Variants in GALNTL6 observed in about 807,000 individuals in gnomAD.
The protein encoded by GALNTL6 is polypeptide N-acetylgalactosaminyltransferase like 6.
Under a neutral mutation model 73.7 loss-of-function variants are expected in GALNTL6, and 46 were observed. That is an observed-to-expected ratio of 0.62 (90% CI 0.49 to 0.80). The LOEUF (loss-of-function observed/expected upper bound fraction) is 0.80, where lower values mean the gene tolerates loss of function less well. Among genes scored for constraint, GALNTL6 ranks in the 30% least tolerant of loss-of-function variants. The probability of loss-of-function intolerance (pLI) is 0.00; values close to 1 mark genes in which losing one functional copy is unlikely to be tolerated. For missense variants in GALNTL6, 604 were observed against 755.0 expected, an observed-to-expected ratio of 0.80 and a Z score of 2.34; for synonymous variants, 259 against 263.7, an observed-to-expected ratio of 0.98 and a Z score of 0.17.
Position 172,627,849 on chromosome 4 carries a change from G to A in GALNTL6, c.554-181512G>A, listed in dbSNP as rs187362364. On this transcript the variant is annotated intron_variant, in intron 5 of 12. Transcript: ENST00000506823. Reference sequence around the variant, plus strand: ...GTATTTCTGTAAGATTGGTTATAATGTTATCTTTGTCATTCCTGATTGTGC... The same window carrying A: ...GTATTTCTGTAAGATTGGTTATAATATTATCTTTGTCATTCCTGATTGTGC... 3.5e-3 allele frequency among the ~76,000 whole-genome samples: 537 copies of A among 151,626 alleles called. 3 individuals carry two copies. The highest frequency in any genetic ancestry group is 5.8e-3 in the Non-Finnish European group (394 of 67,882).
intron 5 of GALNTL6, among the ~76,000 whole-genome samples, chr4:172,489,539 A>G (rs1733822264): frequency 6.6e-6 from 1 of 152,242 alleles, no homozygotes; most frequent in Admixed American, 6.5e-5. Flanking sequence ...ATGTGTTTAT[A>G]CGCACAGAGC....
chr4:172,099,595 C>G (rs900759786), intron 2 of GALNTL6, among the ~76,000 whole-genome samples: 3 of 152,120 alleles, frequency 2.0e-5, no homozygotes, highest in African/African-American at 4.8e-5. Flanking sequence ...GGCAACAGCA[C>G]TAAGATAAAA....
At chr4:172,792,778 A>G (rs1740069814) in intron 5 of GALNTL6, among the ~76,000 whole-genome samples, 1 of 150,950 alleles carries the variant, frequency 6.6e-6, no homozygotes, top group African/African-American at 2.4e-5. Flanking sequence ...TGTTTTCATA[A>G]TAAAGAACCA....
chr4:172,176,775 C>G (rs541141060), intron 2 of GALNTL6, among the ~76,000 whole-genome samples: 2 of 152,158 alleles, frequency 1.3e-5, no homozygotes, highest in East Asian at 1.9e-4. Context: ...GGCAACAAAG[C>G]AAGACCCTAT....
intron 5 of GALNTL6, among the ~76,000 whole-genome samples, chr4:172,417,261 A>G (rs1730872988): frequency 6.6e-6 from 1 of 151,918 alleles, no homozygotes; most frequent in South Asian, 2.1e-4. Flanking sequence ...GTTTCTTTCA[A>G]AGACCCACTT....
chr4:172,664,842 T>G (rs1731574857), intron 5 of GALNTL6, among the ~76,000 whole-genome samples: 1 of 152,112 alleles, frequency 6.6e-6, no homozygotes, highest in African/African-American at 2.4e-5. Context: ...CAAATGCACT[T>G]TAAAAACTAA....
At chr4:172,182,232 A>G (rs1424060265) in intron 2 of GALNTL6, among the ~76,000 whole-genome samples, 2 of 152,330 alleles carry the variant, frequency 1.3e-5, no homozygotes, top group East Asian at 1.9e-4. Flanking sequence ...ATGGAGAACT[A>G]CAAACCACTG....
At chr4:172,057,181 A>T (rs1268146092) in intron 2 of GALNTL6, among the ~76,000 whole-genome samples, 5 of 152,038 alleles carry the variant, frequency 3.3e-5, no homozygotes, top group Non-Finnish European at 7.4e-5. Flanking sequence ...GTTGAGGCTG[A>T]CACATATCTT....
chr4:172,524,058 T>A (rs1170644277), intron 5 of GALNTL6, among the ~76,000 whole-genome samples: 1 of 152,174 alleles, frequency 6.6e-6, no homozygotes, highest in African/African-American at 2.4e-5. Context: ...GTTTATAGTT[T>A]TACTACGTAA....
intron 5 of GALNTL6, among the ~76,000 whole-genome samples, chr4:172,726,400 G>A (rs1485534474): frequency 6.6e-6 from 1 of 152,132 alleles, no homozygotes; most frequent in Non-Finnish European, 1.5e-5. Flanking sequence ...ATGTTAGTAA[G>A]AGCAACTTCC....
At chr4:172,221,262 A>T (rs1015906896) in intron 2 of GALNTL6, among the ~76,000 whole-genome samples, 1 of 151,834 alleles carries the variant, frequency 6.6e-6, no homozygotes, top group Non-Finnish European at 1.5e-5. Context: ...ATTAATAAGA[A>T]AATAGCATCA....
At chr4:173,023,783 A>T (rs972448816) in intron 12 of GALNTL6, among the ~76,000 whole-genome samples, 1 of 152,044 alleles carries the variant, frequency 6.6e-6, no homozygotes, top group African/African-American at 2.4e-5. Flanking sequence ...CAATAGTAAA[A>T]CCTCGCCGTT....
chr4:171,976,940 A>G (rs1446854853), intron 2 of GALNTL6, among the ~76,000 whole-genome samples: 1 of 152,212 alleles, frequency 6.6e-6, no homozygotes, highest in African/African-American at 2.4e-5. Context: ...GAATCAAGTC[A>G]GAAGTATTCT....
At chr4:172,216,080 A>G (rs1378346788) in intron 2 of GALNTL6, among the ~76,000 whole-genome samples, 1 of 152,186 alleles carries the variant, frequency 6.6e-6, no homozygotes, top group African/African-American at 2.4e-5. Context: ...TTCTTAGGTT[A>G]ATTGAGAATA....
rs1472757613 is a variant in GALNTL6 at position 172,071,069 on chromosome 4, G to A, written c.139-158587G>A. On this transcript the variant is annotated intron_variant, in intron 2 of 12. Transcript: ENST00000506823. ...TGCCTCAGAAGTAAGAGTCAGATCTGATGTAGCGAGGTGAAGACTGACTAA... is the reference window on the plus strand; with the variant it reads ...TGCCTCAGAAGTAAGAGTCAGATCTAATGTAGCGAGGTGAAGACTGACTAA... Among the ~76,000 whole-genome samples, 3 of 109,658 alleles carry A rather than the reference G, an allele frequency of 2.7e-5. 1 individual carries two copies. The highest frequency in any genetic ancestry group is 6.1e-5 in the Non-Finnish European group (3 of 49,410). 71.9% of individuals were successfully genotyped at this position (109,658 alleles called of 152,430 possible). A position where few individuals can be genotyped will look rare whatever the true frequency, so the allele number is the denominator to read the frequency against.
chr4:172,381,456 A>G (rs1474176507), intron 5 of GALNTL6, among the ~76,000 whole-genome samples: 5 of 152,170 alleles, frequency 3.3e-5, no homozygotes, highest in African/African-American at 1.2e-4. Flanking sequence ...TCTGGTAACC[A>G]GTAATCTACC....
chr4:172,064,730 G>A (rs1184933525), intron 2 of GALNTL6, among the ~76,000 whole-genome samples: 1 of 152,048 alleles, frequency 6.6e-6, no homozygotes, highest in Admixed American at 6.6e-5. Context: ...AATCAGATGG[G>A]TTTATTCTCC....
intron 2 of GALNTL6, among the ~76,000 whole-genome samples, chr4:171,825,777 A>C (rs1461772352): frequency 6.6e-6 from 1 of 152,260 alleles, no homozygotes; most frequent in East Asian, 1.9e-4. Flanking sequence ...GATTGGATCA[A>C]TTATTAGCCC....
chr4:172,847,203 GT>G (rs1157662860), intron 7 of GALNTL6, among the ~76,000 whole-genome samples: 1 of 152,146 alleles, frequency 6.6e-6, no homozygotes, highest in Non-Finnish European at 1.5e-5. Context: ...GGTAAACGTG[GT>G]GCTGCATCTC....
Sources: gnomAD v4.1 joint callset for allele counts (sites outside exome capture counted in the v4.1 genomes callset) on GRCh38, gnomAD v4.1.1 for gene constraint, MANE v1.5 for transcripts, NCBI Gene and HGNC (gene_info 2026-07-23, HGNC 2026-07-21) for gene names.